The following CTXN2 variants were observed in gnomAD, a reference collection of about 807,000 sequenced individuals.
CTXN2 encodes cortexin 2, also known as cortexin-2.
In CTXN2, 3 loss-of-function variants were observed where a neutral mutation model predicts 5.7. That is an observed-to-expected ratio of 0.53 (90% CI 0.24 to 1.36). The LOEUF is 1.36. Among genes scored for constraint, CTXN2 ranks in the 40% most tolerant of loss-of-function variants. The pLI is 0.17. For missense variants in CTXN2, 87 were observed against 93.0 expected (o/e 0.94, Z 0.26); for synonymous variants, 38 against 36.4 (o/e 1.04, Z -0.16).
At chr15:48,191,532 C>T (rs1567292659), upstream of CTXN2, 5 of 358,472 alleles carry the variant, frequency 1.4e-5, no homozygotes, top group Non-Finnish European at 2.2e-5. Flanking sequence ...TTCAGTCTCA[C>T]ATACACACAC....
rs576209095 is a variant in CTXN2, at chr15:48,182,581, A to G, written c.-455+4181A>G. On this transcript the variant is annotated intron_variant, in intron 1 of 2. Coordinates refer to the CTXN2 transcript ENST00000644354. ...TAGATTGAAGTGATTTCATGTTACT[A>G]TGTTTCAATTCACAAAGTGTTTAAA... Among the ~76,000 whole-genome samples the G allele has an allele frequency of 5.3e-5, 8 of 152,330 alleles. No individual in the cohort carries two copies. The South Asian group carries it at 1.4e-3, about 28-fold the overall frequency.
upstream of CTXN2, chr15:48,190,231 A>G (rs2140975200): frequency 6.6e-6 from 1 of 152,364 alleles, no homozygotes; most frequent in East Asian, 1.9e-4. Flanking sequence ...CATTTTAGCA[A>G]GATCGTTGAA....
rs936596308 is a variant in CTXN2 at position 48,202,052 on chromosome 15, C to G, written c.*506C>G. ...GAAAAAATATCTCAAAAATCTAACACCCAAAGCCTACAAGTAGTCACAGGC... is the reference window on the plus strand; with the variant it reads ...GAAAAAATATCTCAAAAATCTAACAGCCAAAGCCTACAAGTAGTCACAGGC... On this transcript the variant is annotated 3_prime_UTR_variant, in exon 2 of 2. Coordinates refer to ENST00000417307, the MANE Select transcript of CTXN2 (RefSeq NM_001145668.2). 1.2e-5 allele frequency: 2 copies of G among 172,968 alleles called. No individual in the cohort carries two copies. Among genetic ancestry groups the G allele is most frequent in the African/African-American group, 2.4e-5 (1 of 41,434 alleles). 10.7% of individuals were successfully genotyped at this position (172,968 alleles called of 1,614,324 possible). A position where few individuals can be genotyped will look rare whatever the true frequency, so the allele number is the denominator to read the frequency against.
At chr15:48,179,402 T>C (rs1250185767) in intron 1 of CTXN2, among the ~76,000 whole-genome samples, 1 of 90,092 alleles carries the variant, frequency 1.1e-5, no homozygotes, top group African/African-American at 2.7e-5. Flanking sequence ...TTCAGCTACT[T>C]CATCACACAC....
At chr15:48,190,497 T>A (rs2040805651), upstream of CTXN2, among the ~76,000 whole-genome samples, 1 of 152,030 alleles carries the variant, frequency 6.6e-6, no homozygotes, top group Non-Finnish European at 1.5e-5. Flanking sequence ...ACATTGCCCA[T>A]TTTTTTGTAA....
rs1395464864 is a variant in CTXN2, at chr15:48,203,746, C to T, written c.*2200C>T. The T allele has an allele frequency of 1.2e-5, 2 of 165,590 alleles. No homozygotes were observed. Among genetic ancestry groups the T allele is most frequent in the African/African-American group, 4.8e-5 (2 of 41,346 alleles). 10.3% of individuals were successfully genotyped at this position (165,590 alleles called of 1,614,324 possible). ...TTTCCAAATCCACTAAAGAAAAATTCTATTAACCAAAAGTGTCTTCATCTG... is the reference window on the plus strand; with the variant it reads ...TTTCCAAATCCACTAAAGAAAAATTTTATTAACCAAAAGTGTCTTCATCTG... On this transcript the variant is annotated 3_prime_UTR_variant, in exon 2 of 2. Transcript: ENST00000417307.
At chr15:48,195,945 A>C (rs1355350673) in intron 1 of CTXN2, among the ~76,000 whole-genome samples, 2 of 152,038 alleles carry the variant, frequency 1.3e-5, no homozygotes, top group Non-Finnish European at 2.9e-5. Context: ...TACTAGTTGG[A>C]ATCCCTTTAA....
At chr15:48,178,732 A>G (rs887939820) in intron 1 of CTXN2, 1 of 153,288 alleles carries the variant, frequency 6.5e-6, no homozygotes, top group Non-Finnish European at 1.5e-5. Flanking sequence ...CCTTTGAATT[A>G]AGCAAATATA....
chr15:48,182,082 TTCTC>T (rs550639013), intron 1 of CTXN2, among the ~76,000 whole-genome samples: 229 of 152,264 alleles, frequency 1.5e-3, no homozygotes, highest in African/African-American at 5.2e-3. Flanking sequence ...CTATTTACCA[TTCTC>T]TCTCTTCTTC....
intron 1 of CTXN2, among the ~76,000 whole-genome samples, chr15:48,193,845 T>C (rs1343334187): frequency 6.6e-6 from 1 of 152,138 alleles, no homozygotes; most frequent in East Asian, 1.9e-4. Flanking sequence ...TTTGGATTTG[T>C]TGTTGAAATG....
rs1415084447 is a variant in CTXN2, at chr15:48,185,807, T to TA, written c.-454-5649dup. On this transcript the variant is annotated intron_variant, in intron 1 of 2. Transcript: ENST00000644354. Reference sequence around the variant, plus strand: ...GGAAAAAGGAGGAGTGAATGGGTGTTATATATAGGACTACTTTCCTCCACA... The same window carrying TA: ...GGAAAAAGGAGGAGTGAATGGGTGTTAATATATAGGACTACTTTCCTCCACA... Among the ~76,000 whole-genome samples the TA allele has an allele frequency of 9.2e-5, 14 of 152,248 alleles. No individual in the cohort carries two copies. In the East Asian group the frequency reaches 2.7e-3, roughly 29 times the overall value.
At chr15:48,197,966 A>C (rs1036488521) in intron 1 of CTXN2, among the ~76,000 whole-genome samples, 1 of 152,128 alleles carries the variant, frequency 6.6e-6, no homozygotes. Context: ...AAGAAGGAGT[A>C]ATTATACCAG....
intron 1 of CTXN2, among the ~76,000 whole-genome samples, chr15:48,185,218 T>C (rs376764192): frequency 6.6e-6 from 1 of 152,166 alleles, no homozygotes; most frequent in South Asian, 2.1e-4. Flanking sequence ...GGTGAATATA[T>C]GACATTATAC....
chr15:48,190,453 T>A (rs975610946), upstream of CTXN2, among the ~76,000 whole-genome samples: 3 of 152,174 alleles, frequency 2.0e-5, no homozygotes, highest in African/African-American at 7.2e-5. Context: ...AAACAACTTT[T>A]AAAAAATGTG....
chr15:48,188,194 A>G (rs978158473), upstream of CTXN2, among the ~76,000 whole-genome samples: 2 of 147,708 alleles, frequency 1.4e-5, no homozygotes, highest in African/African-American at 2.4e-5. Context: ...ATCATTACCT[A>G]AGAAACCAAA....
chr15:48,191,607 C>T, upstream of CTXN2: 1 of 426,478 alleles, frequency 2.3e-6, no homozygotes, highest in Non-Finnish European at 4.7e-6. Flanking sequence ...GAAATCCATG[C>T]ACGTTTTCCT....
intron 1 of CTXN2, 86 bp downstream of exon 1, chr15:48,191,939 A>G: frequency 2.4e-6 from 1 of 412,916 alleles, no homozygotes; most frequent in Non-Finnish European, 4.9e-6. Context: ...CCAGATGAGA[A>G]GCATGTCCTC....
At chr15:48,195,783 G>C (rs940140495) in intron 1 of CTXN2, among the ~76,000 whole-genome samples, 2 of 152,034 alleles carry the variant, frequency 1.3e-5, no homozygotes, top group African/African-American at 4.8e-5. Context: ...TCAACACTAT[G>C]TGGGTGTTGT....
intron 1 of CTXN2, among the ~76,000 whole-genome samples, chr15:48,195,342 T>A (rs968815675): frequency 3.9e-5 from 6 of 152,086 alleles, no homozygotes; most frequent in African/African-American, 1.4e-4. Context: ...GAGACCCTCA[T>A]TGCTTCTCAC....
Sources: gnomAD v4.1 joint callset for allele counts (sites outside exome capture counted in the v4.1 genomes callset) on GRCh38, gnomAD v4.1.1 for gene constraint, MANE v1.5 for transcripts, NCBI Gene and HGNC (gene_info 2026-07-23, HGNC 2026-07-21) for gene names.